The following TTF2 variants were observed in gnomAD, a reference collection of about 807,000 sequenced individuals.
TTF2 encodes transcription termination factor 2.
Under a neutral mutation model 142.4 loss-of-function variants are expected in TTF2, and 108 were observed. The ratio of observed to expected loss-of-function variants is 0.76; its 90% CI spans 0.65 to 0.89. TTF2 has a LOEUF of 0.89. TTF2 is among the 40% of genes least tolerant of loss of function. The pLI is 0.00. For missense variants in TTF2, 1,327 were observed against 1,379.8 expected (o/e 0.96, Z 0.61); for synonymous variants, 483 against 506.2 (o/e 0.95, Z 0.61).
chr1:117,082,030 A>G, intron 10 of TTF2, 83 bp downstream of exon 10: 1 of 1,597,390 alleles, frequency 6.3e-7, no homozygotes, highest in East Asian at 2.2e-5. Context: ...CTAAAAAAGG[A>G]CACCTTTGGT....
rs1218497617 is a variant in TTF2 at position 117,086,107 on chromosome 1, A to G, written c.2055-310A>G. Among the ~76,000 whole-genome samples the G allele has an allele frequency of 1.3e-5, 2 of 152,206 alleles. No individual in the cohort carries two copies. Among genetic ancestry groups the G allele is most frequent in the Non-Finnish European group, 2.9e-5 (2 of 68,044 alleles). On this transcript the variant is annotated intron_variant, in intron 11 of 22. Transcript: ENST00000369466. This position sits in a 1 kb window ranked among gnomAD's most constrained non-coding sequence, Gnocchi z 4.2. The stretch of plus-strand genomic sequence containing the variant: ...CTGTTCTGGCCAGATCATATTAAGC[A>G]TTATATTATCCCAGCCAGAGAATTT...
Position 117,073,711 on chromosome 1 carries a change from G to A in TTF2, c.269G>A (p.Gly90Glu). ...AAGGCAGAGGGGAAACGCTGGTGTG[G>A]AAGTATTCCATGGCAGGTAGGAATT... ...RSKAEGKRWC[G>E]SIPWQDPDSK... is the part of the protein sequence containing the mutation. The change falls in exon 4 of 23, where the codon GGA (glycine) becomes GAA (glutamate). Residue 90 changes from glycine to glutamate, a missense_variant. Gly to Glu is a moderately conservative substitution (Grantham distance 98). Transcript: ENST00000369466. The surrounding 1 kb of genome is among the most constrained non-coding windows in gnomAD (Gnocchi z 4.4). 6.2e-7 allele frequency: 1 copy of A among 1,612,376 alleles called. No individual in the cohort carries two copies. The highest frequency in any genetic ancestry group is 8.5e-7 in the Non-Finnish European group (1 of 1,178,768).
rs150056295 is a variant in TTF2 at position 117,080,998 on chromosome 1, A to G, written c.1784-830A>G. The stretch of plus-strand genomic sequence containing the variant: ...AGCCTGGTATATACCAAGTTTTCCT[A>G]CTCCTAGAAGGAAAGCAGGTGTTCA... On this transcript the variant is annotated intron_variant, in intron 9 of 22. Coordinates refer to ENST00000369466, the MANE Select transcript of TTF2 (RefSeq NM_003594.4). This position sits in a 1 kb window ranked among gnomAD's most constrained non-coding sequence, Gnocchi z 4.3. 2.6e-5 allele frequency among the ~76,000 whole-genome samples: 4 copies of G among 152,282 alleles called. No individual in the cohort carries two copies. The highest frequency in any genetic ancestry group is 1.3e-4 in the Admixed American group (2 of 15,288).
rs1465627899 is a variant in TTF2 at position 117,106,259 on chromosome 1, A to G, written c.*4735A>G. 1 of 147,500 alleles carries G rather than the reference A, an allele frequency of 6.8e-6. No homozygotes were observed. The highest frequency in any genetic ancestry group is 1.5e-5 in the Non-Finnish European group (1 of 66,986). 9.1% of individuals were successfully genotyped at this position (147,500 alleles called of 1,614,324 possible). ...TACCACAGAAGTCAGTAGTTAGGGG[A>G]TGGAGATAGATATGAAAAAAAAAAA... On this transcript the variant is annotated 3_prime_UTR_variant, in exon 23 of 23. Coordinates refer to ENST00000369466, the MANE Select transcript of TTF2 (RefSeq NM_003594.4).
rs573177677 is a variant in TTF2 at position 117,099,288 on chromosome 1, A to G, written c.3344+381A>G. On this transcript the variant is annotated intron_variant, in intron 22 of 22. Transcript: ENST00000369466. This position sits in a 1 kb window ranked among gnomAD's most constrained non-coding sequence, Gnocchi z 4.3. ...GTGGGTAGAAACATTTTTCTGGACC[A>G]CTTGAGAACAAGTTGTAGACCTGAT... 6.6e-6 allele frequency among the ~76,000 whole-genome samples: 1 copy of G among 152,336 alleles called. No homozygotes were observed. Among genetic ancestry groups the G allele is most frequent in the Admixed American group, 6.5e-5 (1 of 15,308 alleles).
rs1264408057 is a variant in TTF2, at chr1:117,106,651, G to A, written c.*5127G>A. 6.6e-6 allele frequency: 1 copy of A among 152,290 alleles called. No individual in the cohort carries two copies. The highest frequency in any genetic ancestry group is 1.5e-5 in the Non-Finnish European group (1 of 68,088). The allele number at this position is 152,290 out of a possible 1,614,324, so 9.4% of individuals were successfully genotyped here. On this transcript the variant is annotated 3_prime_UTR_variant, in exon 23 of 23. Transcript: ENST00000369466. ...GCTGAGTGCTACAAGAGAGGACTGTGCGGCTGGGAGGGCTTATAACAGGAT... is the reference window on the plus strand; with the variant it reads ...GCTGAGTGCTACAAGAGAGGACTGTACGGCTGGGAGGGCTTATAACAGGAT...
chr1:117,075,745 T>C lies in TTF2; in HGVS notation c.1161T>C (p.Pro387=), dbSNP rs201901640. 1 of 1,614,208 alleles carries C rather than the reference T, an allele frequency of 6.2e-7. No individual in the cohort carries two copies. The highest frequency in any genetic ancestry group is 1.3e-5 in the African/African-American group (1 of 75,052). Residue 387 remains proline (P), a synonymous_variant, in exon 5 of 23, where the codon CCT becomes CCC. Transcript: ENST00000369466. The surrounding 1 kb of genome is among the most constrained non-coding windows in gnomAD (Gnocchi z 4.5). ...AGACGAAGGAAAACCTCCAATTCCC[T>C]GATCGAAGTGTGCAAAGAAAGGTGT... The part of the protein sequence containing the change: ...DLETKENLQF[P]DRSVQRKVSP...
At chr1:117,064,134 A>T (rs1223086087) in intron 3 of TTF2, among the ~76,000 whole-genome samples, 1 of 152,170 alleles carries the variant, frequency 6.6e-6, no homozygotes, top group East Asian at 1.9e-4. Flanking sequence ...CCTGTTTTAA[A>T]ATTTTTGTCT....
intron 18 of TTF2, 125 bp from the exon 19 acceptor site, chr1:117,095,184 T>G (rs1321905045): frequency 3.8e-6 from 3 of 786,760 alleles, no homozygotes; most frequent in Admixed American, 2.3e-5. Context: ...GAGAGGAGGG[T>G]GGAATAAAGA....
At chr1:117,066,803 G>GGTGATTC (rs1656175334) in intron 3 of TTF2, among the ~76,000 whole-genome samples, 1 of 151,372 alleles carries the variant, frequency 6.6e-6, no homozygotes, top group South Asian at 2.1e-4. Flanking sequence ...CCCAGGTTCA[G>GGTGATTC]GTGATTCTCG....
At position 117,090,646 on chromosome 1, in the gene TTF2, T is replaced by C. The variant is rs376063778; in HGVS notation, c.2588+23T>C. 1.8e-5 allele frequency: 28 copies of C among 1,575,600 alleles called. No individual in the cohort carries two copies. The African/African-American group carries it at 3.7e-4, about 21-fold the overall frequency. On this transcript the variant is annotated intron_variant, in intron 15 of 22. Transcript: ENST00000369466. The surrounding 1 kb of genome is among the most constrained non-coding windows in gnomAD (Gnocchi z 4.8). ...AAGGTGTGTGTATTAAAGAAGCACCTTCTCACACACATTGTTTTATTCCTG... is the reference window on the plus strand; with the variant it reads ...AAGGTGTGTGTATTAAAGAAGCACCCTCTCACACACATTGTTTTATTCCTG...
At chr1:117,060,910 G>GGAC (rs1007712623) in intron 2 of TTF2, among the ~76,000 whole-genome samples, 1 of 152,194 alleles carries the variant, frequency 6.6e-6, no homozygotes, top group Non-Finnish European at 1.5e-5. Flanking sequence ...AAAGGAGTAA[G>GGAC]GACACACAGC....
At chr1:117,077,392 C>T (rs1041878737) in intron 7 of TTF2, among the ~76,000 whole-genome samples, 3 of 152,214 alleles carry the variant, frequency 2.0e-5, no homozygotes, top group African/African-American at 7.2e-5. Context: ...AGCTCAGTGG[C>T]TGGCACATAG....
rs77392162 is a variant in TTF2, at chr1:117,067,137, G to A, written c.218+4664G>A. ...TACTAGATGGATAAGACTGAGAAGG[G>A]TTTATTATTTTAAAATAGAACAAAA... is the stretch of plus-strand genomic sequence containing the variant. On this transcript the variant is annotated intron_variant, in intron 3 of 22. Transcript: ENST00000369466. Among the ~76,000 whole-genome samples the A allele has an allele frequency of 5.6e-3, 860 of 152,262 alleles. 6 individuals carry two copies. The highest frequency in any genetic ancestry group is 0.019 in the African/African-American group (809 of 41,544).
At position 117,060,364 on chromosome 1, in the gene TTF2, T is replaced by A. The variant is rs780172013; in HGVS notation, c.18T>A (p.Cys6Ter). 3.1e-6 allele frequency: 5 copies of A among 1,604,208 alleles called. No homozygotes were observed. Among genetic ancestry groups the A allele is most frequent in the Admixed American group, 1.7e-5 (1 of 58,024 alleles). ...CCAGCGAAATGGAAGAAGTTAGGTG[T>A]CCAGAGCACGGTAAGGGGCTAGGGT... MEEVR[C>*]PEHGTFCFLK... Residue 6 changes from cysteine to a stop codon, truncating the protein, a stop_gained, in exon 1 of 23, where the codon TGT (cysteine) becomes TGA (stop). Coordinates refer to ENST00000369466, the MANE Select transcript of TTF2 (RefSeq NM_003594.4). LOFTEE classifies it high-confidence loss of function.
rs1649941106 is a variant in TTF2 at position 117,106,322 on chromosome 1, G to A, written c.*4798G>A. Reference sequence around the variant, plus strand: ...CCTAACTCCCAGGGAGGGAAGAGGGGCGACAGATATGCAGCTACACAATGT... The same window carrying A: ...CCTAACTCCCAGGGAGGGAAGAGGGACGACAGATATGCAGCTACACAATGT... On this transcript the variant is annotated 3_prime_UTR_variant, in exon 23 of 23. Transcript: ENST00000369466. The A allele has an allele frequency of 6.6e-6, 1 of 151,638 alleles. No homozygotes were observed. Among genetic ancestry groups the A allele is most frequent in the African/African-American group, 2.4e-5 (1 of 41,264 alleles). The allele number at this position is 151,638 out of a possible 1,614,324, so 9.4% of individuals were successfully genotyped here.
Position 117,060,495 on chromosome 1 carries a change from G to A in TTF2, c.69G>A (p.Pro23=), listed in dbSNP as rs1429487589. The change falls in exon 2 of 23, where the codon CCG becomes CCA. Residue 23 remains proline, a synonymous_variant. Transcript: ENST00000369466. ...TTAAGACCGGCGTCCGCGATGGCCCGAATAAAGGAAAGAGCTTCTACGTGT... is the reference window on the plus strand; with the variant it reads ...TTAAGACCGGCGTCCGCGATGGCCCAAATAAAGGAAAGAGCTTCTACGTGT... ...CFLKTGVRDG[P]NKGKSFYVCR... The A allele has an allele frequency of 1.9e-6, 3 of 1,613,856 alleles. No homozygotes were observed. The highest frequency in any genetic ancestry group is 2.2e-5 in the East Asian group (1 of 44,894).
chr1:117,075,632 A>G lies in TTF2; in HGVS notation c.1048A>G (p.Ser350Gly), dbSNP rs759591261. The stretch of plus-strand genomic sequence containing the variant: ...GGGTGAGGGCCGTGAAGCTGCCACA[A>G]GCAGTGACGACGAGGAGGAAGATGA... The part of the protein sequence containing the change: ...SLGEGREAAT[S>G]SDDEEEDDVV... Residue 350 changes from serine (S) to glycine (G), a missense_variant, in exon 5 of 23, where the codon AGC becomes GGC. Transcript: ENST00000369466. The surrounding 1 kb of genome is among the most constrained non-coding windows in gnomAD (Gnocchi z 4.5). 4 of 1,614,198 alleles carry G rather than the reference A, an allele frequency of 2.5e-6. No individual in the cohort carries two copies. The highest frequency in any genetic ancestry group is 1.7e-5 in the Admixed American group (1 of 60,016).
chr1:117,071,177 T>G (rs928169320), intron 3 of TTF2, among the ~76,000 whole-genome samples: 1 of 151,888 alleles, frequency 6.6e-6, no homozygotes, highest in Non-Finnish European at 1.5e-5. Context: ...TGTATTGAAA[T>G]GTACATGAAA....
Sources: gnomAD v4.1 joint callset for allele counts (sites outside exome capture counted in the v4.1 genomes callset) on GRCh38, gnomAD v4.1.1 for gene constraint, Gnocchi (gnomAD v3.1) non-coding constraint, MANE v1.5 for transcripts, NCBI Gene and HGNC (gene_info 2026-07-23, HGNC 2026-07-21) for gene names.